The following BICD1 variants were observed in gnomAD, a reference collection of about 807,000 sequenced individuals.
BICD1 encodes protein bicaudal D homolog 1.
A neutral mutation model predicts 92.5 loss-of-function variants in BICD1; 35 were observed. The observed-to-expected ratio is 0.38, with a 90% CI of 0.29 to 0.50. BICD1 has a LOEUF of 0.50. BICD1 is among the 20% of genes least tolerant of loss of function. The probability of loss-of-function intolerance (pLI) is 0.93; values close to 1 mark genes in which losing one functional copy is unlikely to be tolerated. For synonymous variants in BICD1, 429 were observed against 465.1 expected (o/e 0.92, Z 1.00); for missense variants, 950 against 1,189.8 (o/e 0.80, Z 2.97).
chr12:32,274,299 A>G (rs1346114989), intron 2 of BICD1, among the ~76,000 whole-genome samples: 1 of 152,316 alleles, frequency 6.6e-6, no homozygotes, highest in South Asian at 2.1e-4. Flanking sequence ...TAATAAGAAC[A>G]TCAGAACTGA....
intron 2 of BICD1, among the ~76,000 whole-genome samples, chr12:32,231,717 C>T (rs1945894785): frequency 6.6e-6 from 1 of 151,320 alleles, no homozygotes; most frequent in African/African-American, 2.4e-5. Flanking sequence ...TTAGGTATAT[C>T]CCCCAATGCT....
chr12:32,306,996 C>T (rs895649160), intron 4 of BICD1, among the ~76,000 whole-genome samples: 14 of 150,250 alleles, frequency 9.3e-5, no homozygotes, highest in African/African-American at 3.4e-4. Context: ...GCCTGGGCAA[C>T]AAGAGTGAAA....
rs11272207 is a variant in BICD1, at chr12:32,348,723, AATATAT to A, written c.2764+9795_2764+9800del. 5.7e-3 allele frequency among the ~76,000 whole-genome samples: 669 copies of A among 116,990 alleles called. 2 individuals are homozygous for A. Among genetic ancestry groups the A allele is most frequent in the Non-Finnish European group, 8.0e-3 (422 of 52,942 alleles). 76.7% of individuals were successfully genotyped at this position (116,990 alleles called of 152,430 possible). A position where few individuals can be genotyped will look rare whatever the true frequency, so the allele number is the denominator to read the frequency against. ...AATGATGCTTTCTAGCTCACACAAA[AATATAT>A]ATATATATATATATATATATATATA... On this transcript the variant is annotated intron_variant, in intron 8 of 9. Transcript: ENST00000652176.
intron 2 of BICD1, among the ~76,000 whole-genome samples, chr12:32,241,672 G>A (rs1290782994): frequency 6.6e-6 from 1 of 152,128 alleles, no homozygotes; most frequent in Non-Finnish European, 1.5e-5. Flanking sequence ...AGCTATGAAG[G>A]TTGAATTCAA....
chr12:32,247,171 C>T (rs1946410378), intron 2 of BICD1, among the ~76,000 whole-genome samples: 1 of 149,300 alleles, frequency 6.7e-6, no homozygotes. Flanking sequence ...GTGGGAGGAT[C>T]ACTTGAGTCA....
At chr12:32,132,817 T>A (rs551287476) in intron 1 of BICD1, among the ~76,000 whole-genome samples, 2 of 152,308 alleles carry the variant, frequency 1.3e-5, no homozygotes, top group South Asian at 4.1e-4. Context: ...AAAAGATCAC[T>A]CTGGTTATTC....
In BICD1 at chr12:32,305,871, C is replaced by A; in HGVS notation, c.754C>A (p.Leu252Ile). The change falls in exon 4 of 10, where the codon CTC (leucine) becomes ATC (isoleucine). Residue 252 changes from leucine (L) to isoleucine (I), a missense_variant. This residue lies in a region of BICD1 where 246 missense variants were observed against 258.4 expected (regional missense o/e 0.95). Transcript: ENST00000652176. ...GCAAAAGAACAACCTGCGGAAGGAG[C>A]TCTCCCAGTATATCAGCCTCAATGA... Reference protein sequence around the residue: ...REQKNNLRKELSQYISLNDNH... With the variant: ...REQKNNLRKEISQYISLNDNH... 6.2e-7 allele frequency: 1 copy of A among 1,614,174 alleles called. No homozygotes were observed. Among genetic ancestry groups the A allele is most frequent in the South Asian group, 1.1e-5 (1 of 91,080 alleles).
rs199803156 is a variant in BICD1, at chr12:32,107,394, C to T, written c.63C>T (p.Thr21=). 3.1e-5 allele frequency: 50 copies of T among 1,611,714 alleles called. No individual in the cohort carries two copies. Among genetic ancestry groups the T allele is most frequent in the Non-Finnish European group, 3.6e-5 (42 of 1,179,252 alleles). Residue 21 remains threonine, a synonymous_variant, in exon 1 of 10, where the codon ACC becomes ACT. Coordinates refer to ENST00000652176, the MANE Select transcript of BICD1 (RefSeq NM_001714.4). ...ATAAGACTGAGATAGAGAGGCTAAC[C>T]AAGGAGCTCACGGAGACCACCCACG... ...DHYKTEIERL[T]KELTETTHEK... is the part of the protein sequence containing the mutation.
Position 32,327,453 on chromosome 12 carries a change from C to T in BICD1, c.1006-8C>T, listed in dbSNP as rs750064137. On this transcript the variant is annotated splice_polypyrimidine_tract_variant and splice_region_variant and intron_variant, in intron 4 of 9. Transcript: ENST00000652176. ...AGGTGATTCAGAAACTTTCTTTTGC[C>T]ATTGCAGGTAGAGCGGGAAAAGGCC... The T allele has an allele frequency of 1.1e-5, 17 of 1,586,174 alleles. No homozygotes were observed. The highest frequency in any genetic ancestry group is 1.5e-5 in the Non-Finnish European group (17 of 1,164,160).
chr12:32,365,324 G>T (rs532563538), intron 8 of BICD1, among the ~76,000 whole-genome samples: 1 of 152,272 alleles, frequency 6.6e-6, no homozygotes, highest in South Asian at 2.1e-4. Flanking sequence ...CTACAAATAA[G>T]AAGAATGTCT....
chr12:32,348,557 A>G (rs979149694), intron 8 of BICD1, among the ~76,000 whole-genome samples: 10 of 151,582 alleles, frequency 6.6e-5, no homozygotes, highest in African/African-American at 2.4e-4. Context: ...GTCCACCCAT[A>G]CATTGCTGAG....
chr12:32,273,946 G>A lies in BICD1; in HGVS notation c.427-20048G>A, dbSNP rs1289940703. Among the ~76,000 whole-genome samples the A allele has an allele frequency of 2.8e-4, 42 of 152,204 alleles. 1 individual carries two copies. ...GGCCAGGCTCCTCCCCGCTGAACAA[G>A]CGTAAACTTCTCTTGGCTCCACCCT... On this transcript the variant is annotated intron_variant, in intron 2 of 9. Transcript: ENST00000652176.
chr12:32,161,077 G>T (rs540704867), intron 1 of BICD1, among the ~76,000 whole-genome samples: 7 of 152,030 alleles, frequency 4.6e-5, no homozygotes, highest in Admixed American at 3.9e-4. Flanking sequence ...CTTCAGATCC[G>T]GAAAGAAAAG....
chr12:32,339,027 TA>T, intron 8 of BICD1, 48 bp downstream of exon 8: 1 of 1,526,832 alleles, frequency 6.5e-7, no homozygotes, highest in Middle Eastern at 2.3e-4. Flanking sequence ...ATTAGTTGAA[TA>T]GACTCTCCCC....
At chr12:32,181,517 C>G (rs1330354249) in intron 1 of BICD1, among the ~76,000 whole-genome samples, 1 of 151,756 alleles carries the variant, frequency 6.6e-6, no homozygotes, top group Admixed American at 6.6e-5. Flanking sequence ...TATTTTTAAA[C>G]TTGATTTTTT....
In BICD1 at chr12:32,166,138, A is replaced by ATTTATTTATTTATTTATTTATTT. The variant is rs1555140610; in HGVS notation, c.214-50098_214-50097insATTTATTTATTTTTTATTTATTT. On this transcript the variant is annotated intron_variant, in intron 1 of 9. Coordinates refer to ENST00000652176, the MANE Select transcript of BICD1 (RefSeq NM_001714.4). ...TATTTATTTATTTATTTATTTATTT[A>ATTTATTTATTTATTTATTTATTT]TTTATTTATTTTTTGGAGCCAGCGT... Among the ~76,000 whole-genome samples, 222 of 144,044 alleles carry ATTTATTTATTTATTTATTTATTT rather than the reference A, an allele frequency of 1.5e-3. 1 individual carries two copies. Among genetic ancestry groups the ATTTATTTATTTATTTATTTATTT allele is most frequent in the African/African-American group, 4.7e-3 (185 of 39,068 alleles). 94.5% of individuals were successfully genotyped at this position (144,044 alleles called of 152,430 possible).
intron 4 of BICD1, among the ~76,000 whole-genome samples, chr12:32,325,770 A>G (rs369211786): frequency 6.6e-6 from 1 of 152,196 alleles, no homozygotes. Flanking sequence ...TGTATGATCC[A>G]GGAAGTTTGA....
chr12:32,336,379 G>C (rs150799312), intron 6 of BICD1, among the ~76,000 whole-genome samples: 86 of 152,336 alleles, frequency 5.6e-4, no homozygotes, highest in African/African-American at 1.9e-3. Flanking sequence ...CCTGAATAAA[G>C]ATGTTTCGGA....
In BICD1 at chr12:32,327,626, C is replaced by A. The variant is rs763253358; in HGVS notation, c.1171C>A (p.Leu391Met). Residue 391 changes from leucine (L) to methionine (M), a missense_variant, in exon 5 of 10, where the codon CTG becomes ATG. Leu to Met is a conservative substitution (Grantham distance 15, BLOSUM62 2). Transcript: ENST00000652176. ...LQSSKELKAELDGEKGRDSGE... is the reference protein window; with the variant it reads ...LQSSKELKAEMDGEKGRDSGE... ...AAGCAGCAAGGAGCTCAAGGCTGAGCTGGACGGGGAGAAGGGCCGGGACTC... is the reference window on the plus strand; with the variant it reads ...AAGCAGCAAGGAGCTCAAGGCTGAGATGGACGGGGAGAAGGGCCGGGACTC... The A allele has an allele frequency of 6.2e-7, 1 of 1,614,040 alleles. No homozygotes were observed. Among genetic ancestry groups the A allele is most frequent in the East Asian group, 2.2e-5 (1 of 44,860 alleles).
Sources: allele counts gnomAD v4.1 joint callset (sites outside exome capture counted in the v4.1 genomes callset), GRCh38; gene constraint gnomAD v4.1.1; regional missense constraint gnomAD v4.1.1; transcripts MANE v1.5; gene names NCBI Gene and HGNC (gene_info 2026-07-23, HGNC 2026-07-21).